The following MLIP variants were observed in gnomAD, a reference collection of about 807,000 sequenced individuals.
MLIP encodes muscular LMNA-interacting protein.
A neutral mutation model predicts 84.8 loss-of-function variants in MLIP; 79 were observed. The observed-to-expected ratio is 0.93, with a 90% CI of 0.78 to 1.12. The LOEUF is 1.12. Ranked by LOEUF, MLIP falls within the 50% of genes most tolerant of loss-of-function variation. The probability of loss-of-function intolerance (pLI) is 0.00; values close to 1 mark genes in which losing one functional copy is unlikely to be tolerated. For missense variants in MLIP, 1,257 were observed against 1,160.6 expected (o/e 1.08, Z -1.21); for synonymous variants, 504 against 463.0 (o/e 1.09, Z -1.14).
intron 11 of MLIP, 41 bp downstream of exon 11, chr6:54,202,274 T>C: frequency 1.2e-6 from 1 of 846,264 alleles, no homozygotes; most frequent in Non-Finnish European, 1.5e-6. Flanking sequence ...TTTTGATAAA[T>C]ATAAATATAT....
At chr6:54,253,849 A>G (rs1333535256) in intron 12 of MLIP, among the ~76,000 whole-genome samples, 1 of 152,146 alleles carries the variant, frequency 6.6e-6, no homozygotes, top group Admixed American at 6.6e-5. Flanking sequence ...TTAATCTGTT[A>G]TACAATATCT....
chr6:54,236,430 G>A (rs781060631), intron 12 of MLIP, among the ~76,000 whole-genome samples: 2 of 152,050 alleles, frequency 1.3e-5, no homozygotes, highest in East Asian at 1.9e-4. Flanking sequence ...GTGAAACCAC[G>A]TCTCTACTAA....
chr6:54,244,786 T>G (rs572881668), intron 12 of MLIP, among the ~76,000 whole-genome samples: 1 of 152,310 alleles, frequency 6.6e-6, no homozygotes, highest in South Asian at 2.1e-4. Flanking sequence ...CTTATTTCTC[T>G]TTTTGGCTTA....
intron 13 of MLIP, among the ~76,000 whole-genome samples, chr6:54,260,813 C>G (rs1347933198): frequency 6.6e-6 from 1 of 151,900 alleles, no homozygotes; most frequent in Non-Finnish European, 1.5e-5. Context: ...ACATTCCATA[C>G]AAGGTTTGGA....
At chr6:54,117,747 C>G (rs1326992899) in intron 1 of MLIP, among the ~76,000 whole-genome samples, 5 of 151,506 alleles carry the variant, frequency 3.3e-5, no homozygotes. Flanking sequence ...GAGATCGACA[C>G]CATCCTGGCT....
At chr6:54,191,993 A>G (rs899625730) in intron 10 of MLIP, among the ~76,000 whole-genome samples, 1 of 150,730 alleles carries the variant, frequency 6.6e-6, no homozygotes, top group African/African-American at 2.4e-5. Flanking sequence ...AAATATATAT[A>G]TGTGTATATA....
chr6:54,164,836 C>T (rs943224175), intron 8 of MLIP, among the ~76,000 whole-genome samples: 3 of 151,514 alleles, frequency 2.0e-5, no homozygotes, highest in Non-Finnish European at 2.9e-5. Flanking sequence ...TGTGGATGTT[C>T]CATCCTTTAT....
intron 11 of MLIP, chr6:54,203,520 G>A (rs1778832401): frequency 6.6e-6 from 1 of 151,640 alleles, no homozygotes; most frequent in African/African-American, 2.4e-5. Flanking sequence ...TCTCTTATCT[G>A]ATGTGTTAGC....
chr6:54,217,080 C>T (rs189273296), intron 11 of MLIP: 1 of 985,384 alleles, frequency 1.0e-6, no homozygotes, highest in Non-Finnish European at 1.2e-6. Context: ...ATAAATGTTG[C>T]TTTACCAAAG....
At chr6:54,196,678 G>A (rs1239977571) in intron 10 of MLIP, among the ~76,000 whole-genome samples, 1 of 152,034 alleles carries the variant, frequency 6.6e-6, no homozygotes, top group Non-Finnish European at 1.5e-5. Context: ...CTGAGCTTCT[G>A]TCTGTCAATT....
chr6:54,162,504 C>T (rs1440320246), intron 8 of MLIP, among the ~76,000 whole-genome samples: 1 of 151,854 alleles, frequency 6.6e-6, no homozygotes, highest in Non-Finnish European at 1.5e-5. Context: ...TAATATGAAA[C>T]CGTAGAAGAT....
chr6:54,226,567 C>A (rs1780584898), intron 11 of MLIP, among the ~76,000 whole-genome samples: 1 of 151,570 alleles, frequency 6.6e-6, no homozygotes. Context: ...ATCCAGATAC[C>A]CGAGGAAGAC....
rs1765705421 is a variant in MLIP, at chr6:54,251,969, T to G, written c.2923-5339T>G. ...ATATATAATATAAATATATATATTA[T>G]AACATAATATATAATATAAATATAT... On this transcript the variant is annotated intron_variant, in intron 12 of 13. Coordinates refer to ENST00000502396, the MANE Select transcript of MLIP (RefSeq NM_001281747.2). 5.5e-5 allele frequency among the ~76,000 whole-genome samples: 4 copies of G among 72,768 alleles called. No homozygotes were observed. The Admixed American group carries it at 1.0e-3, about 18-fold the overall frequency. The allele number at this position is 72,768 out of a possible 152,430, so 47.7% of individuals were successfully genotyped here.
intron 3 of MLIP, among the ~76,000 whole-genome samples, chr6:54,128,845 A>G (rs1281464273): frequency 6.6e-6 from 1 of 152,142 alleles, no homozygotes; most frequent in Non-Finnish European, 1.5e-5. Flanking sequence ...ATACATGTAA[A>G]GTGCCTAGAA....
In MLIP at chr6:54,067,291, AT is replaced by A. The variant is rs1335481835; in HGVS notation, c.63+48201del. On this transcript the variant is annotated intron_variant, in intron 1 of 12. Transcript: ENST00000274897. ...ATGTATTTGCAAATGAATTAATCAA[AT>A]ATACTGAAATTGATAAAAAGAAGAC... is the stretch of plus-strand genomic sequence containing the variant. Among the ~76,000 whole-genome samples, 2 of 101,210 alleles carry A rather than the reference AT, an allele frequency of 2.0e-5. 1 individual carries two copies. The highest frequency in any genetic ancestry group is 5.3e-4 in the East Asian group (2 of 3,792). The allele number at this position is 101,210 out of a possible 152,430, so 66.4% of individuals were successfully genotyped here.
chr6:54,122,750 T>C (rs1770562526), intron 2 of MLIP, among the ~76,000 whole-genome samples: 1 of 152,304 alleles, frequency 6.6e-6, no homozygotes, highest in South Asian at 2.1e-4. Flanking sequence ...TTAGGCCTTA[T>C]GAGTGGTGTG....
intron 1 of MLIP, among the ~76,000 whole-genome samples, chr6:54,077,570 C>G (rs1331077404): frequency 6.6e-6 from 1 of 151,938 alleles, no homozygotes; most frequent in Non-Finnish European, 1.5e-5. Context: ...AAAAACATAC[C>G]AAACTCACTG....
chr6:54,046,908 G>A (rs7738518), intron 1 of MLIP: 1 of 152,106 alleles, frequency 6.6e-6, no homozygotes, highest in Admixed American at 6.5e-5. Context: ...AAAGTTTGGA[G>A]GTGCTTTATA....
chr6:54,252,415 T>A (rs1167972455), intron 12 of MLIP, among the ~76,000 whole-genome samples: 1 of 128,608 alleles, frequency 7.8e-6, no homozygotes, highest in Non-Finnish European at 1.5e-5. Flanking sequence ...ATAACTATAG[T>A]ATATTATAAC....
Sources: gnomAD v4.1 joint callset for allele counts (sites outside exome capture counted in the v4.1 genomes callset) on GRCh38, gnomAD v4.1.1 for gene constraint, MANE v1.5 for transcripts, NCBI Gene and HGNC (gene_info 2026-07-23, HGNC 2026-07-21) for gene names.